Variants in SMARCB1 observed in about 807,000 individuals in gnomAD.
SMARCB1 encodes the protein SWI/SNF-related matrix-associated actin-dependent regulator of chromatin subfamily B member 1.
SMARCB1 carries 5 observed loss-of-function variants against 49.0 expected under a neutral mutation model. The ratio of observed to expected loss-of-function variants is 0.10; its 90% CI spans 0.05 to 0.21. The LOEUF is 0.21. Among genes scored for constraint, SMARCB1 ranks in the 10% least tolerant of loss-of-function variants. The pLI is 1.00. For synonymous variants in SMARCB1, 201 were observed against 200.1 expected (o/e 1.00, Z -0.04); for missense variants, 226 against 509.2 (o/e 0.44, Z 5.35).
rs1275032354 is a variant in SMARCB1 at position 23,836,973 on chromosome 22, G to A, written c.*2793G>A. 1 of 1,601,714 alleles carries A rather than the reference G, an allele frequency of 6.2e-7. No homozygotes were observed. The highest frequency in any genetic ancestry group is 1.3e-5 in the African/African-American group (1 of 74,402). ...TCCAGGAGCAGCTTTCTGTGGGGAG[G>A]GGCCCGTGTTGAGCACAGGCCAGCA... is the stretch of plus-strand genomic sequence containing the variant. On this transcript the variant is annotated 3_prime_UTR_variant, in exon 9 of 9. Transcript: ENST00000644036.
At chr22:23,797,651 T>G (rs2145972409) in intron 3 of SMARCB1, among the ~76,000 whole-genome samples, 1 of 116,380 alleles carries the variant, frequency 8.6e-6, no homozygotes, top group South Asian at 3.1e-4. Flanking sequence ...CGAGTTTCGC[T>G]CTGTCACCCA....
chr22:23,830,336 G>A (rs1034314310), intron 7 of SMARCB1, among the ~76,000 whole-genome samples: 8 of 152,138 alleles, frequency 5.3e-5, no homozygotes, highest in Admixed American at 5.2e-4. Context: ...TTTGATCGTA[G>A]CCGTCTGAGG....
At position 23,834,372 on chromosome 22, in the gene SMARCB1, A is replaced by ACCCCCCCCCCCCCCCCCCCCC; in HGVS notation, c.*196_*197insCCCCCCCCCCCCCCCCCCCCC. On this transcript the variant is annotated 3_prime_UTR_variant, in exon 9 of 9. Transcript: ENST00000644036. The stretch of plus-strand genomic sequence containing the variant: ...TTGTTGAGCCCCAGTCCTGCCCCCC[A>ACCCCCCCCCCCCCCCCCCCCC]CCCCACCCTCCCTACCCCTCCCCAG... The ACCCCCCCCCCCCCCCCCCCCC allele has an allele frequency of 7.7e-6, 3 of 388,640 alleles. No homozygotes were observed. The highest frequency in any genetic ancestry group is 1.4e-5 in the Non-Finnish European group (3 of 218,296). 24.1% of individuals were successfully genotyped at this position (388,640 alleles called of 1,614,324 possible).
chr22:23,836,803 C>A lies in SMARCB1; in HGVS notation c.*2623C>A. 1 of 1,417,458 alleles carries A rather than the reference C, an allele frequency of 7.1e-7. No individual in the cohort carries two copies. Among genetic ancestry groups the A allele is most frequent in the Non-Finnish European group, 9.2e-7 (1 of 1,085,088 alleles). The allele number at this position is 1,417,458 out of a possible 1,614,324, so 87.8% of individuals were successfully genotyped here. ...GCCTTTAGGATGGGTTTTTTCTGCC[C>A]CAAGTAGGGGTCATGGGTAGGATGG... On this transcript the variant is annotated 3_prime_UTR_variant, in exon 9 of 9. Transcript: ENST00000644036.
Position 23,803,301 on chromosome 22 carries a change from T to C in SMARCB1, c.507T>C (p.Asp169=). The change falls in exon 5 of 9, where the codon GAT becomes GAC. Residue 169 remains aspartate (D), a synonymous_variant. Coordinates refer to ENST00000644036, the MANE Select transcript of SMARCB1 (RefSeq NM_003073.5). The part of the protein sequence containing the change: ...DKKRTFPLCF[D]DHDPAVIHEN... Reference sequence around the variant, plus strand: ...GCTTCCATTTCACTTTCAGCTTTGATGACCATGACCCAGCTGTGATCCATG... The same window carrying C: ...GCTTCCATTTCACTTTCAGCTTTGACGACCATGACCCAGCTGTGATCCATG... 1 of 1,614,204 alleles carries C rather than the reference T, an allele frequency of 6.2e-7. No homozygotes were observed. Among genetic ancestry groups the C allele is most frequent in the East Asian group, 2.2e-5 (1 of 44,890 alleles).
At chr22:23,812,305 A>G (rs1929919713) in intron 5 of SMARCB1, among the ~76,000 whole-genome samples, 1 of 152,310 alleles carries the variant, frequency 6.6e-6, no homozygotes, top group Non-Finnish European at 1.5e-5. Context: ...AAATTTTAAT[A>G]TAAAACATTA....
At chr22:23,805,498 C>A (rs542674488) in intron 5 of SMARCB1, among the ~76,000 whole-genome samples, 1 of 152,132 alleles carries the variant, frequency 6.6e-6, no homozygotes, top group Non-Finnish European at 1.5e-5. Flanking sequence ...CCTTGTTTTT[C>A]ATTGCCGTTT....
chr22:23,791,633 G>A, intron 1 of SMARCB1, 123 bp from the exon 2 acceptor site: 2 of 892,214 alleles, frequency 2.2e-6, no homozygotes, highest in South Asian at 2.6e-5. Context: ...GCTGCCGAAA[G>A]CGTGGCGCCT....
chr22:23,802,918 T>C (rs535713360), intron 4 of SMARCB1: 5 of 365,920 alleles, frequency 1.4e-5, no homozygotes, highest in South Asian at 1.1e-4. Flanking sequence ...GTTCCTCCAT[T>C]CACCTGCCTT....
At chr22:23,830,928 G>A (rs2030623838) in intron 7 of SMARCB1, among the ~76,000 whole-genome samples, 1 of 151,976 alleles carries the variant, frequency 6.6e-6, no homozygotes, top group Admixed American at 6.6e-5. Context: ...CAAAGTGCTG[G>A]GATTACAGGT....
intron 6 of SMARCB1, chr22:23,817,257 G>T: frequency 2.1e-6 from 1 of 470,926 alleles, no homozygotes; most frequent in African/African-American, 1.9e-5. Context: ...GGGGGGCCTA[G>T]TAACCCAATA....
chr22:23,791,928 A>G (rs1263873392), intron 2 of SMARCB1, 34 bp downstream of exon 2: 5 of 1,609,876 alleles, frequency 3.1e-6, no homozygotes, highest in South Asian at 1.1e-5. Flanking sequence ...AACCTGTTTC[A>G]AAACCACTCG....
rs779167583 is a variant in SMARCB1, at chr22:23,837,002, G to A, written c.*2822G>A. On this transcript the variant is annotated 3_prime_UTR_variant, in exon 9 of 9. Transcript: ENST00000644036. ...CCGTGTTGAGCACAGGCCAGCACAG[G>A]TCCCCATCGGTGGGGATCCTTCTGA... 6.2e-7 allele frequency: 1 copy of A among 1,611,798 alleles called. No homozygotes were observed. The highest frequency in any genetic ancestry group is 8.5e-7 in the Non-Finnish European group (1 of 1,178,888).
intron 1 of SMARCB1, among the ~76,000 whole-genome samples, chr22:23,790,322 G>A (rs766202047): frequency 6.6e-6 from 1 of 152,156 alleles, no homozygotes; most frequent in Non-Finnish European, 1.5e-5. Flanking sequence ...TGTGGAAAGC[G>A]AGTGACTTGC....
chr22:23,828,451 G>A (rs1003946662), intron 7 of SMARCB1, among the ~76,000 whole-genome samples: 1 of 151,980 alleles, frequency 6.6e-6, no homozygotes, highest in African/African-American at 2.4e-5. Context: ...CTGAGGTCAG[G>A]AGTTAGAGAC....
intron 2 of SMARCB1, 95 bp from the exon 3 acceptor site, chr22:23,793,464 C>T (rs567449341): frequency 9.0e-6 from 12 of 1,326,082 alleles, no homozygotes; most frequent in East Asian, 2.3e-5. Flanking sequence ...TCCCACCTCC[C>T]GCATGCGAGG....
At chr22:23,801,662 G>C (rs1049054009) in intron 4 of SMARCB1, 1 of 316,416 alleles carries the variant, frequency 3.2e-6, no homozygotes, top group African/African-American at 2.2e-5. Flanking sequence ...CTGTGGTCAC[G>C]TGGCCTTCTC....
rs34901831 is a variant in SMARCB1 at position 23,789,904 on chromosome 22, C to G, written c.94-1852C>G. ...TAGCAACATACCCAGTGCCTCCATG[C>G]GCCATCTGTGGAGCTGTCTTGGGAA... On this transcript the variant is annotated intron_variant, in intron 1 of 8. Coordinates refer to ENST00000644036, the MANE Select transcript of SMARCB1 (RefSeq NM_003073.5). Among the ~76,000 whole-genome samples, 64 of 152,164 alleles carry G rather than the reference C, an allele frequency of 4.2e-4. 1 individual carries two copies. Among genetic ancestry groups the G allele is most frequent in the Admixed American group, 3.3e-4 (5 of 15,284 alleles).
chr22:23,814,619 C>G (rs1217123740), intron 5 of SMARCB1, among the ~76,000 whole-genome samples: 1 of 151,524 alleles, frequency 6.6e-6, no homozygotes, highest in African/African-American at 2.4e-5. Flanking sequence ...GAGCCGAGAT[C>G]ACGCTGTTGC....
Sources: gnomAD v4.1 joint callset for allele counts (sites outside exome capture counted in the v4.1 genomes callset) on GRCh38, gnomAD v4.1.1 for gene constraint, MANE v1.5 for transcripts, NCBI Gene and HGNC (gene_info 2026-07-23, HGNC 2026-07-21) for gene names.